CPA6: variants seen among roughly 807,000 people sequenced by gnomAD.
CPA6 encodes the protein carboxypeptidase A6.
CPA6 carries 58 observed loss-of-function variants against 63.3 expected under a neutral mutation model. The ratio of observed to expected loss-of-function variants is 0.92; its 90% CI spans 0.74 to 1.14. The LOEUF (loss-of-function observed/expected upper bound fraction) is 1.14, where lower values mean the gene tolerates loss of function less well. CPA6 is among the 50% of genes most tolerant of loss of function. The pLI is 0.00. For missense variants in CPA6, 565 were observed against 526.6 expected (o/e 1.07, Z -0.71); for synonymous variants, 185 against 179.0 (o/e 1.03, Z -0.27).
intron 1 of CPA6, among the ~76,000 whole-genome samples, chr8:67,717,933 T>G (rs1403571854): frequency 6.6e-6 from 1 of 152,232 alleles, no homozygotes; most frequent in Non-Finnish European, 1.5e-5. Context: ...TATGGCCCTG[T>G]TGACACCTTG....
At chr8:67,426,667 T>C (rs1204180204) in intron 10 of CPA6, among the ~76,000 whole-genome samples, 1 of 152,166 alleles carries the variant, frequency 6.6e-6, no homozygotes, top group African/African-American at 2.4e-5. Flanking sequence ...GATAGGTAGA[T>C]TAAAGAAGTC....
At position 67,502,343 on chromosome 8, in the gene CPA6, G is replaced by T. The variant is rs550805838; in HGVS notation, c.636+4444C>A. Among the ~76,000 whole-genome samples, 40 of 152,168 alleles carry T rather than the reference G, an allele frequency of 2.6e-4. 1 individual carries two copies. The South Asian group carries it at 7.1e-3, about 27-fold the overall frequency. On this transcript the variant is annotated intron_variant, in intron 6 of 10. Transcript: ENST00000297770. The stretch of plus-strand genomic sequence containing the variant: ...CCTGAATTGGTGGCACACACCTGTG[G>T]TCCCAACTACTCTGGAGGCTGACGT...
intron 1 of CPA6, among the ~76,000 whole-genome samples, chr8:67,703,274 C>T (rs1234728041): frequency 6.6e-6 from 1 of 152,178 alleles, no homozygotes; most frequent in Non-Finnish European, 1.5e-5. Flanking sequence ...GATCTCTCAG[C>T]TCACCCTGAT....
intron 2 of CPA6, among the ~76,000 whole-genome samples, chr8:67,542,256 C>T (rs149998377): frequency 1.3e-5 from 2 of 152,310 alleles, no homozygotes; most frequent in African/African-American, 4.8e-5. Context: ...AATGACTGCT[C>T]TGTTCCAGTA....
chr8:67,521,173 C>T (rs1376400797), intron 2 of CPA6, among the ~76,000 whole-genome samples: 1 of 152,250 alleles, frequency 6.6e-6, no homozygotes, highest in Admixed American at 6.5e-5. Context: ...ATCTGATACT[C>T]CACAGGAAAG....
intron 8 of CPA6, among the ~76,000 whole-genome samples, chr8:67,444,675 C>T (rs1810373715): frequency 6.7e-6 from 1 of 149,062 alleles, no homozygotes; most frequent in South Asian, 2.2e-4. Context: ...CCCAGCTACT[C>T]GGGAGGCTGA....
At chr8:67,537,234 C>T (rs1249723822) in intron 2 of CPA6, among the ~76,000 whole-genome samples, 1 of 152,146 alleles carries the variant, frequency 6.6e-6, no homozygotes, top group African/African-American at 2.4e-5. Flanking sequence ...AGGAGTCTCT[C>T]TTTTTCTATT....
intron 1 of CPA6, among the ~76,000 whole-genome samples, chr8:67,717,985 C>T (rs772420361): frequency 6.6e-5 from 10 of 152,216 alleles, no homozygotes; most frequent in East Asian, 3.9e-4. Flanking sequence ...AGCAGGCTTT[C>T]GGGAGATAAA....
intron 1 of CPA6, among the ~76,000 whole-genome samples, chr8:67,727,335 T>G (rs143881133): frequency 6.6e-6 from 1 of 152,268 alleles, no homozygotes; most frequent in East Asian, 1.9e-4. Context: ...CAAAGTATGG[T>G]GCTTTGGCAT....
intron 1 of CPA6, among the ~76,000 whole-genome samples, chr8:67,741,212 A>C (rs577841859): frequency 1.7e-4 from 26 of 152,310 alleles, no homozygotes; most frequent in African/African-American, 6.3e-4. Flanking sequence ...CTTTGCAAGC[A>C]GACCCAGTAC....
chr8:67,687,635 A>C (rs887608000), intron 1 of CPA6, among the ~76,000 whole-genome samples: 2 of 152,170 alleles, frequency 1.3e-5, no homozygotes, highest in African/African-American at 4.8e-5. Flanking sequence ...GCATGTATCT[A>C]ATGAGCTGCA....
At chr8:67,721,299 C>CTT (rs1817493965) in intron 1 of CPA6, among the ~76,000 whole-genome samples, 1 of 152,194 alleles carries the variant, frequency 6.6e-6, no homozygotes, top group Non-Finnish European at 1.5e-5. Flanking sequence ...TTGTCTCAGT[C>CTT]TTTCTAAAAG....
intron 2 of CPA6, among the ~76,000 whole-genome samples, chr8:67,524,847 T>A (rs187933637): frequency 2.5e-3 from 376 of 152,282 alleles, no homozygotes; most frequent in African/African-American, 8.6e-3. Context: ...TACCATGGAA[T>A]TGACAAGGTA....
intron 2 of CPA6, among the ~76,000 whole-genome samples, chr8:67,537,479 G>A (rs1215447884): frequency 2.0e-5 from 3 of 152,136 alleles, no homozygotes; most frequent in South Asian, 2.1e-4. Context: ...GCTTATTTGC[G>A]TAGAGGTGTT....
At chr8:67,667,697 T>C (rs1390927737) in intron 1 of CPA6, among the ~76,000 whole-genome samples, 1 of 152,168 alleles carries the variant, frequency 6.6e-6, no homozygotes, top group Non-Finnish European at 1.5e-5. Context: ...CTGATTTCTT[T>C]CAGTATGAGA....
chr8:67,636,864 TC>T (rs1587658183), intron 1 of CPA6, among the ~76,000 whole-genome samples: 1 of 151,556 alleles, frequency 6.6e-6, no homozygotes, highest in Non-Finnish European at 1.5e-5. Context: ...GAGCTGCACT[TC>T]CTTTGTTGAA....
chr8:67,428,038 G>A lies in CPA6; in HGVS notation c.1126+9C>T, dbSNP rs776159368. On this transcript the variant is annotated intron_variant, in intron 10 of 10. Transcript: ENST00000297770. ...GAGGATTCTAACACAATGTACGCAG[G>A]AAACTTACACAACGTTGTGGAGGCT... The A allele has an allele frequency of 2.5e-6, 4 of 1,583,788 alleles. No homozygotes were observed.
intron 8 of CPA6, among the ~76,000 whole-genome samples, chr8:67,463,291 A>G (rs1587453765): frequency 6.6e-6 from 1 of 151,880 alleles, no homozygotes; most frequent in Admixed American, 6.6e-5. Context: ...TAAAAATAAA[A>G]ACATTAGCCA....
At chr8:67,711,363 T>C (rs1272912739) in intron 1 of CPA6, among the ~76,000 whole-genome samples, 2 of 152,236 alleles carry the variant, frequency 1.3e-5, no homozygotes, top group East Asian at 3.8e-4. Flanking sequence ...ACTCAGACTA[T>C]CTTTGGTAAA....
Sources: allele counts gnomAD v4.1 joint callset (sites outside exome capture counted in the v4.1 genomes callset), GRCh38; gene constraint gnomAD v4.1.1; transcripts MANE v1.5; gene names NCBI Gene and HGNC (gene_info 2026-07-23, HGNC 2026-07-21).